Variants in ETF1 observed in about 807,000 individuals in gnomAD.
ETF1 encodes the protein eukaryotic translation termination factor 1.
Under a neutral mutation model 55.1 loss-of-function variants are expected in ETF1, and 4 were observed. The observed-to-expected ratio is 0.07, with a 90% confidence interval of 0.04 to 0.17. ETF1 has a LOEUF of 0.17. Ranked by LOEUF, ETF1 falls within the 10% of genes least tolerant of loss-of-function variation. The pLI, the probability that ETF1 is intolerant of heterozygous loss-of-function variation, is 1.00. For synonymous variants in ETF1, 157 were observed against 182.3 expected, an observed-to-expected ratio of 0.86 and a Z score of 1.12; for missense variants, 142 against 523.6, an observed-to-expected ratio of 0.27 and a Z score of 7.11.
intron 2 of ETF1, among the ~76,000 whole-genome samples, chr5:138,537,012 A>G (rs1765964554): frequency 6.6e-6 from 1 of 152,198 alleles, no homozygotes; most frequent in Admixed American, 6.5e-5. Flanking sequence ...TATATCTGCT[A>G]TTACAATAGG....
chr5:138,526,828 G>T (rs1254110061), intron 2 of ETF1, among the ~76,000 whole-genome samples: 1 of 152,096 alleles, frequency 6.6e-6, no homozygotes, highest in Non-Finnish European at 1.5e-5. Context: ...AGCCTCCTGA[G>T]GAGCTGAGAC....
intron 2 of ETF1, among the ~76,000 whole-genome samples, chr5:138,534,901 G>A (rs1223078146): frequency 2.3e-5 from 3 of 129,250 alleles, no homozygotes; most frequent in Non-Finnish European, 5.4e-5. Context: ...TCCTCACAGA[G>A]CTGTTATAAG....
chr5:138,521,590 C>T (rs981586493), intron 2 of ETF1, among the ~76,000 whole-genome samples: 12 of 151,934 alleles, frequency 7.9e-5, no homozygotes, highest in Admixed American at 2.0e-4. Context: ...GCAGTGGCAC[C>T]ATCTCAGTTC....
chr5:138,508,545 G>T, intron 10 of ETF1, 124 bp downstream of exon 10: 1 of 1,554,446 alleles, frequency 6.4e-7, no homozygotes, highest in Non-Finnish European at 8.7e-7. Flanking sequence ...ACCTGCACCT[G>T]CTGCGTCAAT....
chr5:138,541,790 TAA>T (rs910783249), intron 2 of ETF1: 22 of 574,920 alleles, frequency 3.8e-5, no homozygotes, highest in Non-Finnish European at 5.2e-5. Flanking sequence ...TTCCTGTAAG[TAA>T]AAAGTTTCTA....
intron 2 of ETF1, among the ~76,000 whole-genome samples, chr5:138,533,268 T>A (rs541110534): frequency 2.2e-4 from 34 of 151,990 alleles, no homozygotes; most frequent in Middle Eastern, 3.4e-3. Flanking sequence ...GCAAAAATCA[T>A]TTTAGCACAT....
At chr5:138,529,463 C>T (rs1041642240) in intron 2 of ETF1, 10 of 343,234 alleles carry the variant, frequency 2.9e-5, no homozygotes, top group Non-Finnish European at 4.1e-5. Context: ...CCCTATACTC[C>T]TCTTCCGAAA....
At chr5:138,515,441 A>G (rs1291077418) in intron 4 of ETF1, among the ~76,000 whole-genome samples, 1 of 152,204 alleles carries the variant, frequency 6.6e-6, no homozygotes, top group Non-Finnish European at 1.5e-5. Context: ...AAGAAAAAGA[A>G]AAAGAAAAAA....
intron 2 of ETF1, among the ~76,000 whole-genome samples, chr5:138,529,912 TTTC>T (rs1425159278): frequency 6.6e-6 from 1 of 152,016 alleles, no homozygotes; most frequent in Non-Finnish European, 1.5e-5. Context: ...TCAGCTAATT[TTTC>T]TTTTTATTTT....
intron 2 of ETF1, among the ~76,000 whole-genome samples, chr5:138,519,567 G>T (rs1321976274): frequency 1.3e-5 from 2 of 151,756 alleles, no homozygotes; most frequent in Non-Finnish European, 2.9e-5. Context: ...GGTGGCTGAG[G>T]CACGAGAATC....
In ETF1 at chr5:138,507,236, T is replaced by C. The variant is rs1764591674; in HGVS notation, c.*1069A>G. 1 of 142,832 alleles carries C rather than the reference T, an allele frequency of 7.0e-6. No individual in the cohort carries two copies. The highest frequency in any genetic ancestry group is 7.2e-5 in the Admixed American group (1 of 13,848). 8.8% of individuals were successfully genotyped at this position (142,832 alleles called of 1,614,324 possible). On this transcript the variant is annotated 3_prime_UTR_variant, in exon 11 of 11. Coordinates refer to ENST00000360541, the MANE Select transcript of ETF1 (RefSeq NM_004730.4). ...TTGTAAGTCCCACATTTGAAACAGATGCTCCAACCCCACCAGGAGGTCAGG... is the reference window on the plus strand; with the variant it reads ...TTGTAAGTCCCACATTTGAAACAGACGCTCCAACCCCACCAGGAGGTCAGG...
At position 138,508,784 on chromosome 5, in the gene ETF1, C is replaced by T. The variant is rs374257667; in HGVS notation, c.1116G>A (p.Met372Ile). 19 of 1,613,998 alleles carry T rather than the reference C, an allele frequency of 1.2e-5. No individual in the cohort carries two copies. The East Asian group carries it at 1.3e-4, about 11-fold the overall frequency. The change falls in exon 10 of 11, where the codon ATG becomes ATA. Residue 372 changes from methionine (M) to isoleucine (I), a missense_variant. Coordinates refer to ENST00000360541, the MANE Select transcript of ETF1 (RefSeq NM_004730.4). The stretch of plus-strand genomic sequence containing the variant: ...TGTTAGCAAACCATTCCAACAGGGG[C>T]ATGCTCTCGATAAGCTCATGTTCCT... ...TGQEHELIES[M>I]PLLEWFANNY... is the part of the protein sequence containing the mutation.
Position 138,543,191 on chromosome 5 carries a change from C to G in ETF1, c.-113G>C. 1.8e-6 allele frequency: 1 copy of G among 554,344 alleles called. No homozygotes were observed. The highest frequency in any genetic ancestry group is 3.2e-6 in the Non-Finnish European group (1 of 313,668). 34.3% of individuals were successfully genotyped at this position (554,344 alleles called of 1,614,324 possible). ...GACGTAGGACACCGGCTCCCTCTCT[C>G]CAGGCAGCTGCATGTGTTGCAATCC... is the stretch of plus-strand genomic sequence containing the variant. On this transcript the variant is annotated 5_prime_UTR_variant, in exon 1 of 11. Coordinates refer to ENST00000360541, the MANE Select transcript of ETF1 (RefSeq NM_004730.4).
At chr5:138,527,928 ACGCC>A (rs1248735774) in intron 2 of ETF1, among the ~76,000 whole-genome samples, 4 of 151,878 alleles carry the variant, frequency 2.6e-5, no homozygotes, top group Non-Finnish European at 5.9e-5. Context: ...ATGTGCCACT[ACGCC>A]TGACTAATTT....
chr5:138,526,950 T>A (rs1276849117), intron 2 of ETF1, among the ~76,000 whole-genome samples: 1 of 152,202 alleles, frequency 6.6e-6, no homozygotes, highest in Non-Finnish European at 1.5e-5. Context: ...TCCGCCCACC[T>A]CAGCCTCCCA....
chr5:138,525,445 CA>C (rs1397432858), intron 2 of ETF1, among the ~76,000 whole-genome samples: 3 of 137,272 alleles, frequency 2.2e-5, no homozygotes, highest in Admixed American at 7.7e-5. Context: ...CGTGAGCCAC[CA>C]TGTCTGGCCT....
chr5:138,508,754 A>G lies in ETF1; in HGVS notation c.1146T>C (p.Tyr382=), dbSNP rs1764650118. The G allele has an allele frequency of 6.2e-7, 1 of 1,614,008 alleles. No homozygotes were observed. Among genetic ancestry groups the G allele is most frequent in the Admixed American group, 1.7e-5 (1 of 60,020 alleles). Residue 382 remains tyrosine (Y), a synonymous_variant, in exon 10 of 11, where the codon TAT becomes TAC. Transcript: ENST00000360541. The part of the protein sequence containing the change: ...MPLLEWFANN[Y]KKFGATLEIV... ...TTTCCAACGTAGCTCCAAATTTTTT[A>G]TAGTTGTTAGCAAACCATTCCAACA...
At chr5:138,522,136 A>G (rs1561836499) in intron 2 of ETF1, among the ~76,000 whole-genome samples, 1 of 152,044 alleles carries the variant, frequency 6.6e-6, no homozygotes, top group Non-Finnish European at 1.5e-5. Flanking sequence ...TCTCTAATCA[A>G]CTTGCTTTCA....
chr5:138,517,695 G>A lies in ETF1; in HGVS notation c.268C>T (p.Pro90Ser). 6.7e-7 allele frequency: 1 copy of A among 1,488,262 alleles called. No individual in the cohort carries two copies. The highest frequency in any genetic ancestry group is 9.1e-7 in the Non-Finnish European group (1 of 1,103,280). 92.2% of individuals were successfully genotyped at this position (1,488,262 alleles called of 1,614,324 possible). The change falls in exon 4 of 11, where the codon CCA becomes TCA. Residue 90 changes from proline to serine, a missense_variant. Pro to Ser is a moderately conservative substitution (Grantham distance 74, BLOSUM62 -1). Coordinates refer to ENST00000360541, the MANE Select transcript of ETF1 (RefSeq NM_004730.4). Reference protein sequence around the residue: ...QRLKLYNKVPPNGLVVYCGTI... With the variant: ...QRLKLYNKVPSNGLVVYCGTI... ...CCACAGTATACAACCAGACCATTTG[G>A]AGGTACTGCAAAGAACACAAACAAT...
Sources: allele counts gnomAD v4.1 joint callset (sites outside exome capture counted in the v4.1 genomes callset), GRCh38; gene constraint gnomAD v4.1.1; transcripts MANE v1.5; gene names NCBI Gene and HGNC (gene_info 2026-07-23, HGNC 2026-07-21).